Variants in FRMD4A observed in about 807,000 individuals in gnomAD.
FRMD4A encodes FERM domain-containing protein 4A.
Under a neutral mutation model 129.1 loss-of-function variants are expected in FRMD4A, and 29 were observed. That is an observed-to-expected ratio of 0.22 (90% CI 0.17 to 0.31). The LOEUF is 0.31. Ranked by LOEUF, FRMD4A falls within the 10% of genes least tolerant of loss-of-function variation. The pLI, the probability that FRMD4A is intolerant of heterozygous loss-of-function variation, is 1.00. For missense variants in FRMD4A, 1,272 were observed against 1,375.8 expected (o/e 0.92, Z 1.19); for synonymous variants, 634 against 571.6 (o/e 1.11, Z -1.56).
In FRMD4A at chr10:13,995,050, C is replaced by G. The variant is rs4748074; in HGVS notation, c.46-136138G>C. 2.6e-5 allele frequency among the ~76,000 whole-genome samples: 4 copies of G among 151,970 alleles called. No individual in the cohort carries two copies. In the South Asian group the frequency reaches 6.2e-4, roughly 24 times the overall value. ...CTGAGATAGAAACCAACTCTCAAAC[C>G]TAGCCAGTTTCTGACCACTGGATCT... is the stretch of plus-strand genomic sequence containing the variant. On this transcript the variant is annotated intron_variant, in intron 2 of 24. Transcript: ENST00000357447.
intron 2 of FRMD4A, among the ~76,000 whole-genome samples, chr10:14,038,252 G>A (rs1219451522): frequency 1.3e-5 from 2 of 151,996 alleles, no homozygotes; most frequent in East Asian, 1.9e-4. Flanking sequence ...GAACCCGGGC[G>A]GCGGAGCTTG....
At chr10:14,307,645 G>A (rs1339945655) in intron 2 of FRMD4A, among the ~76,000 whole-genome samples, 3 of 152,170 alleles carry the variant, frequency 2.0e-5, no homozygotes, top group Non-Finnish European at 2.9e-5. Flanking sequence ...TTGACACCTT[G>A]TGTGATAGGA....
At chr10:14,278,370 C>T (rs1331808790) in intron 2 of FRMD4A, among the ~76,000 whole-genome samples, 1 of 152,190 alleles carries the variant, frequency 6.6e-6, no homozygotes. Flanking sequence ...CTCCAAGTTC[C>T]CAGAGGCTCA....
In FRMD4A at chr10:13,654,428, G is replaced by A; in HGVS notation, c.3038C>T (p.Thr1013Ile). 5.0e-6 allele frequency: 8 copies of A among 1,606,172 alleles called. No homozygotes were observed. The highest frequency in any genetic ancestry group is 6.0e-6 in the Non-Finnish European group (7 of 1,172,674). Residue 1013 changes from threonine to isoleucine, a missense_variant, in exon 23 of 25, where the codon ACC (threonine) becomes ATC (isoleucine). Around this residue, in one of 2 missense-constraint regions of FRMD4A, gnomAD observed 972 missense variants for 892.3 expected, o/e 1.09. Transcript: ENST00000357447. ...AAGGAGAACTCACCCAGTCTGCCAG[G>A]TTAGGATGTGGTGGGGGCTGCTTGG... ...TPPSSPHHILTWQTGEATENS... is the reference protein window; with the variant it reads ...TPPSSPHHILIWQTGEATENS...
At chr10:14,018,454 T>G (rs1258300788) in intron 2 of FRMD4A, among the ~76,000 whole-genome samples, 2 of 21,182 alleles carry the variant, frequency 9.4e-5, no homozygotes, top group East Asian at 1.8e-3. Flanking sequence ...AGACTCCATC[T>G]CAAAAAAAAA....
intron 2 of FRMD4A, among the ~76,000 whole-genome samples, chr10:14,118,068 C>T (rs1435367825): frequency 6.6e-6 from 1 of 152,178 alleles, no homozygotes; most frequent in Non-Finnish European, 1.5e-5. Context: ...GCAGTCAGCG[C>T]AGACCCTGCC....
Position 13,746,559 on chromosome 10 carries a change from A to C in FRMD4A, c.548+1177T>G, listed in dbSNP as rs530257600. Among the ~76,000 whole-genome samples the C allele has an allele frequency of 2.5e-3, 381 of 152,260 alleles. 4 individuals are homozygous for C. Among genetic ancestry groups the C allele is most frequent in the Non-Finnish European group, 4.0e-3 (269 of 68,012 alleles). On this transcript the variant is annotated intron_variant, in intron 9 of 24. Transcript: ENST00000357447. ...CCTACCCCAGACACACGAATCAGTG[A>C]ACAACTAGGTCACTGTCTGGATAAG...
At chr10:14,064,368 T>C (rs1190532925) in intron 2 of FRMD4A, among the ~76,000 whole-genome samples, 1 of 152,218 alleles carries the variant, frequency 6.6e-6, no homozygotes, top group East Asian at 1.9e-4. Context: ...CTCAGAAATA[T>C]TTCTCCTTGT....
At chr10:13,688,676 T>TAC (rs2085344994) in intron 15 of FRMD4A, among the ~76,000 whole-genome samples, 1 of 152,132 alleles carries the variant, frequency 6.6e-6, no homozygotes, top group Admixed American at 6.6e-5. Context: ...AATCCGTGGC[T>TAC]CAGGGCATTG....
At chr10:14,328,184 C>T (rs572621762) in intron 2 of FRMD4A, among the ~76,000 whole-genome samples, 14 of 152,224 alleles carry the variant, frequency 9.2e-5, no homozygotes, top group African/African-American at 3.4e-4. Context: ...AGAGCTCTTT[C>T]CCCTGGTTTC....
intron 3 of FRMD4A, among the ~76,000 whole-genome samples, chr10:13,815,438 T>A (rs1031120404): frequency 2.0e-5 from 3 of 152,202 alleles, no homozygotes; most frequent in African/African-American, 7.2e-5. Flanking sequence ...TTACAGCATT[T>A]CTGTACTGGA....
chr10:14,144,748 G>A (rs1290889552), intron 2 of FRMD4A, among the ~76,000 whole-genome samples: 1 of 152,096 alleles, frequency 6.6e-6, no homozygotes, highest in African/African-American at 2.4e-5. Context: ...CAAGCCTTGG[G>A]CCAAATAGGG....
At chr10:13,673,409 G>C (rs2083682919) in intron 16 of FRMD4A, among the ~76,000 whole-genome samples, 1 of 152,106 alleles carries the variant, frequency 6.6e-6, no homozygotes. Context: ...TTAGTGTTTG[G>C]GGGAGGGGTA....
intron 8 of FRMD4A, among the ~76,000 whole-genome samples, chr10:13,756,729 T>G (rs770835990): frequency 5.9e-5 from 9 of 152,070 alleles, no homozygotes; most frequent in African/African-American, 2.2e-4. Flanking sequence ...CTGGCAGAGG[T>G]GAAGTGATTC....
At chr10:14,020,825 G>A (rs1209286918) in intron 2 of FRMD4A, among the ~76,000 whole-genome samples, 1 of 152,128 alleles carries the variant, frequency 6.6e-6, no homozygotes, top group Non-Finnish European at 1.5e-5. Context: ...AATCATTCAA[G>A]GGGGAAAGGT....
intron 2 of FRMD4A, among the ~76,000 whole-genome samples, chr10:13,927,157 G>A (rs958836806): frequency 1.3e-5 from 2 of 152,008 alleles, no homozygotes; most frequent in African/African-American, 4.8e-5. Flanking sequence ...CTGGGGAGGT[G>A]GAGGCAGGAG....
intron 2 of FRMD4A, among the ~76,000 whole-genome samples, chr10:14,185,499 T>A (rs78088719): frequency 7.2e-5 from 11 of 151,994 alleles, no homozygotes; most frequent in Non-Finnish European, 1.6e-4. Context: ...TTTTCTAACT[T>A]CAAGTATTTT....
chr10:14,257,512 T>A (rs1270853170), intron 2 of FRMD4A, among the ~76,000 whole-genome samples: 5 of 152,190 alleles, frequency 3.3e-5, no homozygotes, highest in African/African-American at 7.2e-5. Context: ...AGTTGAATGG[T>A]ATCCCCTCGA....
intron 2 of FRMD4A, among the ~76,000 whole-genome samples, chr10:14,105,346 A>T (rs926037971): frequency 1.3e-5 from 2 of 152,184 alleles, no homozygotes; most frequent in African/African-American, 4.8e-5. Context: ...CCAGAAGATC[A>T]CTTGAGCCCA....
Sources: allele counts gnomAD v4.1 joint callset (sites outside exome capture counted in the v4.1 genomes callset), GRCh38; gene constraint gnomAD v4.1.1; regional missense constraint gnomAD v4.1.1; transcripts MANE v1.5; gene names NCBI Gene and HGNC (gene_info 2026-07-23, HGNC 2026-07-21).